The following PIK3AP1 variants were observed in gnomAD, a reference collection of about 807,000 sequenced individuals.
The protein encoded by PIK3AP1 is phosphoinositide-3-kinase adaptor protein 1.
In PIK3AP1, 21 loss-of-function variants were observed where a neutral mutation model predicts 88.1. That is an observed-to-expected ratio of 0.24 (90% confidence interval 0.17 to 0.34). PIK3AP1 has a LOEUF of 0.34. PIK3AP1 is among the 10% of genes least tolerant of loss of function. The probability of loss-of-function intolerance (pLI) is 1.00; values close to 1 mark genes in which losing one functional copy is unlikely to be tolerated. For synonymous variants in PIK3AP1, 398 were observed against 400.0 expected (o/e 1.00, Z 0.06); for missense variants, 828 against 1,035.7 (o/e 0.80, Z 2.75).
intron 11 of PIK3AP1, chr10:96,621,059 C>A: frequency 6.2e-6 from 1 of 161,838 alleles, no homozygotes; most frequent in South Asian, 1.7e-4. Context: ...GCAGTGCGGT[C>A]CCTGGCCAAG....
intron 2 of PIK3AP1, among the ~76,000 whole-genome samples, chr10:96,677,163 A>G (rs1843934175): frequency 6.6e-6 from 1 of 152,206 alleles, no homozygotes; most frequent in Non-Finnish European, 1.5e-5. Flanking sequence ...GGGAACTGCC[A>G]TCATCAGGGA....
intron 3 of PIK3AP1, 144 bp from the exon 4 acceptor site, chr10:96,652,986 G>T: frequency 1.1e-6 from 1 of 872,862 alleles, no homozygotes; most frequent in South Asian, 1.9e-5. Flanking sequence ...TCCAGTGCTG[G>T]GCAGTGAACT....
intron 15 of PIK3AP1, 121 bp downstream of exon 15, chr10:96,603,858 A>G (rs1848952398): frequency 3.2e-6 from 3 of 940,664 alleles, no homozygotes; most frequent in Non-Finnish European, 4.6e-6. Context: ...CTGGCATTTC[A>G]TATAAATGGA....
chr10:96,650,744 G>C (rs1027195570), intron 6 of PIK3AP1, among the ~76,000 whole-genome samples: 1 of 152,216 alleles, frequency 6.6e-6, no homozygotes, highest in African/African-American at 2.4e-5. Flanking sequence ...AGGCAGGAAG[G>C]AAGGACTATC....
chr10:96,714,839 C>G lies in PIK3AP1; in HGVS notation c.14-4856G>C, dbSNP rs568492655. Among the ~76,000 whole-genome samples, 4 of 152,260 alleles carry G rather than the reference C, an allele frequency of 2.6e-5. No individual in the cohort carries two copies. In the South Asian group the frequency reaches 8.3e-4, roughly 32 times the overall value. On this transcript the variant is annotated intron_variant, in intron 1 of 16. Coordinates refer to ENST00000339364, the MANE Select transcript of PIK3AP1 (RefSeq NM_152309.3). ...TAAAAGAAATATACAGGAGTCCATACTGATACAAAATAAATAATTGAATAA... is the reference window on the plus strand; with the variant it reads ...TAAAAGAAATATACAGGAGTCCATAGTGATACAAAATAAATAATTGAATAA...
intron 13 of PIK3AP1, among the ~76,000 whole-genome samples, chr10:96,613,736 C>A (rs1564955280): frequency 6.6e-6 from 1 of 152,148 alleles, no homozygotes; most frequent in Non-Finnish European, 1.5e-5. Flanking sequence ...TGTTTCAGAA[C>A]TTGTGATTCA....
chr10:96,680,479 G>T (rs896151681), intron 2 of PIK3AP1, among the ~76,000 whole-genome samples: 2 of 152,032 alleles, frequency 1.3e-5, no homozygotes, highest in Non-Finnish European at 2.9e-5. Context: ...CCTCAGGAAT[G>T]CCCTGGTGTC....
chr10:96,686,608 A>T (rs1844071715), intron 2 of PIK3AP1, among the ~76,000 whole-genome samples: 2 of 152,148 alleles, frequency 1.3e-5, no homozygotes. Context: ...AGTATCCACA[A>T]GAGCACCCGT....
At chr10:96,717,075 T>C (rs538731998) in intron 1 of PIK3AP1, among the ~76,000 whole-genome samples, 1 of 152,144 alleles carries the variant, frequency 6.6e-6, no homozygotes. Flanking sequence ...CAGCCTGGCA[T>C]GGTGAAACCC....
At chr10:96,656,213 A>G (rs1248669276) in intron 3 of PIK3AP1, among the ~76,000 whole-genome samples, 1 of 152,280 alleles carries the variant, frequency 6.6e-6, no homozygotes, top group Non-Finnish European at 1.5e-5. Flanking sequence ...GTACTAAGGT[A>G]GGATTCAAAT....
At chr10:96,638,841 C>G (rs1277043002) in intron 8 of PIK3AP1, among the ~76,000 whole-genome samples, 24 of 152,206 alleles carry the variant, frequency 1.6e-4, no homozygotes, top group Admixed American at 1.6e-3. Flanking sequence ...ATATTCAGCT[C>G]TCTCACTAGA....
At chr10:96,694,766 T>C (rs576027209) in intron 2 of PIK3AP1, among the ~76,000 whole-genome samples, 1 of 152,254 alleles carries the variant, frequency 6.6e-6, no homozygotes, top group Non-Finnish European at 1.5e-5. Context: ...CTCAAACTCC[T>C]GGGCTCAAGC....
At chr10:96,682,220 G>A (rs1187559402) in intron 2 of PIK3AP1, among the ~76,000 whole-genome samples, 1 of 152,104 alleles carries the variant, frequency 6.6e-6, no homozygotes, top group Non-Finnish European at 1.5e-5. Context: ...TCTCCAGGTT[G>A]ATTTACAATT....
intron 11 of PIK3AP1, chr10:96,621,061 C>T (rs1273382356): frequency 1.2e-5 from 2 of 161,262 alleles, no homozygotes; most frequent in East Asian, 1.8e-4. Context: ...AGTGCGGTCC[C>T]TGGCCAAGGC....
chr10:96,651,454 C>G, intron 5 of PIK3AP1, 55 bp downstream of exon 5: 1 of 1,613,894 alleles, frequency 6.2e-7, no homozygotes. Flanking sequence ...GACTGATAAG[C>G]CATGAGCAGA....
chr10:96,717,732 T>C lies in PIK3AP1; in HGVS notation c.13+2650A>G, dbSNP rs188209462. 1.6e-4 allele frequency among the ~76,000 whole-genome samples: 25 copies of C among 152,218 alleles called. 1 individual carries two copies. The East Asian group carries it at 4.6e-3, about 28-fold the overall frequency. On this transcript the variant is annotated intron_variant, in intron 1 of 16. Coordinates refer to ENST00000339364, the MANE Select transcript of PIK3AP1 (RefSeq NM_152309.3). Reference sequence around the variant, plus strand: ...TTCACCCAGCCACAGACTTGGCCACTTGGGAAAGTCACTCACGGATCCTCT... The same window carrying C: ...TTCACCCAGCCACAGACTTGGCCACCTGGGAAAGTCACTCACGGATCCTCT...
chr10:96,612,666 T>C (rs2134192560), intron 13 of PIK3AP1, among the ~76,000 whole-genome samples: 1 of 152,094 alleles, frequency 6.6e-6, no homozygotes, highest in African/African-American at 2.4e-5. Context: ...CTGAGGCTGT[T>C]TCTCGTAGCA....
rs546339988 is a variant in PIK3AP1 at position 96,652,747 on chromosome 10, C to G, written c.663G>C (p.Arg221Ser). The change falls in exon 4 of 17, where the codon AGG becomes AGC. Residue 221 changes from arginine (R) to serine (S), a missense_variant. Around this residue, in one of 3 missense-constraint regions of PIK3AP1, gnomAD observed 610 missense variants for 760.1 expected, o/e 0.80. Transcript: ENST00000339364. ...ACTCATTCTCCACCTTGGCTTCCAT[C>G]CTTACAGAGGGAGAATCCTCAGGAG... is the stretch of plus-strand genomic sequence containing the variant. The part of the protein sequence containing the change: ...EFSPEDSPSV[R>S]MEAKVENEYT... 8 of 1,614,178 alleles carry G rather than the reference C, an allele frequency of 5.0e-6. No homozygotes were observed. In the East Asian group the frequency reaches 1.6e-4, roughly 31 times the overall value.
At chr10:96,714,390 C>G (rs1321623350) in intron 1 of PIK3AP1, among the ~76,000 whole-genome samples, 1 of 152,208 alleles carries the variant, frequency 6.6e-6, no homozygotes, top group Non-Finnish European at 1.5e-5. Context: ...CTGCTGCTGC[C>G]CAAGTGCACA....
Sources: allele counts gnomAD v4.1 joint callset (sites outside exome capture counted in the v4.1 genomes callset), GRCh38; gene constraint gnomAD v4.1.1; regional missense constraint gnomAD v4.1.1; transcripts MANE v1.5; gene names NCBI Gene and HGNC (gene_info 2026-07-23, HGNC 2026-07-21).